The following CHRDL1 variants were observed in gnomAD, a reference collection of about 807,000 sequenced individuals.
The protein encoded by CHRDL1 is chordin-like protein 1.
Under a neutral mutation model 40.9 loss-of-function variants are expected in CHRDL1, and 19 were observed. That is an observed-to-expected ratio of 0.46 (90% confidence interval 0.32 to 0.68). CHRDL1 has a LOEUF of 0.68. Ranked by LOEUF, CHRDL1 falls within the 30% of genes least tolerant of loss-of-function variation. The pLI, the probability that CHRDL1 is intolerant of heterozygous loss-of-function variation, is 0.03. For missense variants in CHRDL1, 329 were observed against 352.1 expected, an observed-to-expected ratio of 0.93 and a Z score of 0.53; for synonymous variants, 136 against 123.4, an observed-to-expected ratio of 1.10 and a Z score of -0.68.
chrX:110,771,260 T>C (rs2089754750), intron 2 of CHRDL1, among the ~76,000 whole-genome samples: 1 of 111,394 alleles, frequency 9.0e-6, no homozygotes, highest in African/African-American at 3.3e-5. Context: ...GCTCCACCGG[T>C]GAATTCTATC....
At chrX:110,787,485 A>G (rs994647125) in intron 2 of CHRDL1, among the ~76,000 whole-genome samples, 8 of 112,394 alleles carry the variant, frequency 7.1e-5, no homozygotes, top group Admixed American at 6.6e-4. Flanking sequence ...ACTTAATTAA[A>G]CTTCTAAGAT....
intron 4 of CHRDL1, among the ~76,000 whole-genome samples, chrX:110,759,200 C>A (rs769226879): frequency 1.9e-4 from 21 of 112,299 alleles, no homozygotes; most frequent in African/African-American, 6.8e-4. Flanking sequence ...AGCAGGCAGG[C>A]AGCTTTATAC....
chrX:110,679,528 C>A lies in CHRDL1; in HGVS notation c.1157-103G>T. The A allele has an allele frequency of 8.9e-6, 5 of 559,642 alleles. 1 individual carries two copies. Among genetic ancestry groups the A allele is most frequent in the Non-Finnish European group, 3.1e-6 (1 of 323,007 alleles). The allele number at this position is 559,642 out of a possible 1,213,427, so 46.1% of individuals were successfully genotyped here. ...TCAGCATATCATTTCATTACTAGGG[C>A]TTAAGAGTATCGAGTTGGGCTGTGT... On this transcript the variant is annotated intron_variant, in intron 10 of 11. Transcript: ENST00000372042.
chrX:110,724,599 TCCCATG>T (rs1225921616), intron 4 of CHRDL1, among the ~76,000 whole-genome samples: 1 of 109,964 alleles, frequency 9.1e-6, no homozygotes, highest in East Asian at 2.8e-4. Flanking sequence ...AAAAGATTTG[TCCCATG>T]TCACACAGCT....
At chrX:110,775,951 A>C (rs1019035930) in intron 2 of CHRDL1, among the ~76,000 whole-genome samples, 2 of 111,053 alleles carry the variant, frequency 1.8e-5, no homozygotes, top group Non-Finnish European at 3.8e-5. Flanking sequence ...ATCCAAGTCC[A>C]CTTTTACTTT....
rs2069770262 is a variant in CHRDL1, at chrX:110,676,042, TGGA to T, written c.*186_*188del. 5.4e-6 allele frequency: 2 copies of T among 373,693 alleles called. No homozygotes were observed. Among genetic ancestry groups the T allele is most frequent in the Non-Finnish European group, 4.6e-6 (1 of 216,602 alleles). 30.8% of individuals were successfully genotyped at this position (373,693 alleles called of 1,213,427 possible). A position where few individuals can be genotyped will look rare whatever the true frequency, so the allele number is the denominator to read the frequency against. ...TAATTTAAGACTCTTCTAGTCTCTT[TGGA>T]GGAGATGTTCAAGGGCTGACACACC... On this transcript the variant is annotated 3_prime_UTR_variant, in exon 12 of 12. Transcript: ENST00000372042.
At chrX:110,750,813 G>A (rs1460914096) in intron 4 of CHRDL1, among the ~76,000 whole-genome samples, 1 of 111,894 alleles carries the variant, frequency 8.9e-6, no homozygotes, top group Non-Finnish European at 1.9e-5. Flanking sequence ...AAAGCAGAGG[G>A]GCAGGCCAGA....
intron 7 of CHRDL1, among the ~76,000 whole-genome samples, chrX:110,696,930 T>A (rs1254606282): frequency 9.1e-6 from 1 of 110,409 alleles, no homozygotes; most frequent in East Asian, 2.8e-4. Context: ...TCTTTTAGAG[T>A]TCCTCCCCTA....
intron 6 of CHRDL1, among the ~76,000 whole-genome samples, chrX:110,716,892 T>A (rs753716182): frequency 9.0e-6 from 1 of 111,547 alleles, no homozygotes; most frequent in Non-Finnish European, 1.9e-5. Context: ...CTCCTTTTCA[T>A]CCCAGTTCCT....
At chrX:110,786,195 T>C (rs190489080) in intron 2 of CHRDL1, among the ~76,000 whole-genome samples, 8 of 112,118 alleles carry the variant, frequency 7.1e-5, no homozygotes, top group African/African-American at 1.9e-4. Flanking sequence ...TTGGGAGGCA[T>C]AAGCCAGATT....
intron 4 of CHRDL1, among the ~76,000 whole-genome samples, chrX:110,759,407 C>T (rs913821845): frequency 1.8e-5 from 2 of 112,485 alleles, no homozygotes; most frequent in Non-Finnish European, 3.8e-5. Flanking sequence ...TTTCCATCTC[C>T]GATTGACACC....
chrX:110,753,237 A>T (rs1290806607), intron 4 of CHRDL1, among the ~76,000 whole-genome samples: 1 of 112,197 alleles, frequency 8.9e-6, no homozygotes, highest in Non-Finnish European at 1.9e-5. Context: ...AAGAAATGTC[A>T]TACTGATACA....
intron 4 of CHRDL1, among the ~76,000 whole-genome samples, chrX:110,746,709 T>C (rs2089259562): frequency 9.0e-6 from 1 of 111,497 alleles, no homozygotes; most frequent in Non-Finnish European, 1.9e-5. Flanking sequence ...GCTGCTATCA[T>C]TGGGATCTAG....
chrX:110,776,447 T>C (rs1395964613), intron 2 of CHRDL1, among the ~76,000 whole-genome samples: 1 of 111,744 alleles, frequency 8.9e-6, no homozygotes, highest in African/African-American at 3.2e-5. Flanking sequence ...CTCTCACTTT[T>C]TGTCTGAGAA....
At chrX:110,705,547 A>C (rs2070620661) in intron 6 of CHRDL1, among the ~76,000 whole-genome samples, 1 of 103,364 alleles carries the variant, frequency 9.7e-6, no homozygotes, top group Admixed American at 1.1e-4. Context: ...TATATATATC[A>C]TACAGGTTTT....
rs73528258 is a variant in CHRDL1, at chrX:110,758,597, C to T, written c.301+1064G>A. On this transcript the variant is annotated intron_variant, in intron 4 of 11. Coordinates refer to ENST00000372042, the MANE Select transcript of CHRDL1 (RefSeq NM_001143981.2). ...GGTTTTCATTGAACCCCATTCCCAG[C>T]CTTATTCCTAACATTTTTGCCTGGA... Among the ~76,000 whole-genome samples, 395 of 111,213 alleles carry T rather than the reference C, an allele frequency of 3.6e-3. 2 individuals carry two copies. The highest frequency in any genetic ancestry group is 0.012 in the African/African-American group (371 of 30,562).
intron 2 of CHRDL1, among the ~76,000 whole-genome samples, chrX:110,764,131 T>G (rs1370450805): frequency 8.9e-6 from 1 of 112,372 alleles, no homozygotes; most frequent in East Asian, 2.8e-4. Flanking sequence ...TTGTAAATTC[T>G]GGATATTAGT....
At chrX:110,782,647 G>C (rs1460984971) in intron 2 of CHRDL1, among the ~76,000 whole-genome samples, 2 of 112,514 alleles carry the variant, frequency 1.8e-5, no homozygotes. Context: ...AGACTATTTT[G>C]CATTTTTGTA....
At chrX:110,677,263 A>G (rs901164359) in intron 11 of CHRDL1, among the ~76,000 whole-genome samples, 2 of 110,740 alleles carry the variant, frequency 1.8e-5, no homozygotes, top group African/African-American at 6.6e-5. Context: ...CCCATTCTCT[A>G]TGACTCAATG....
Sources: allele counts gnomAD v4.1 joint callset (sites outside exome capture counted in the v4.1 genomes callset), GRCh38; gene constraint gnomAD v4.1.1; transcripts MANE v1.5; gene names NCBI Gene and HGNC (gene_info 2026-07-23, HGNC 2026-07-21).